OR4X2: variants seen among roughly 807,000 people sequenced by gnomAD.
OR4X2 encodes olfactory receptor 4X2.
For synonymous variants in OR4X2, 205 were observed against 136.6 expected (o/e 1.50, Z -3.49); for missense variants, 554 against 359.5 (o/e 1.54, Z -4.38).
rs753558856 is a variant in OR4X2, at chr11:48,245,530, G to A, written c.427G>A (p.Gly143Arg). ...CTVLVGIAWV[G>R]GFMHSFAQIL... ...TGTCCTTGTAGGAATAGCATGGGTG[G>A]GAGGCTTCATGCATTCCTTTGCACA... is the stretch of plus-strand genomic sequence containing the variant. Residue 143 changes from glycine (G) to arginine (R), a missense_variant, in exon 1 of 1, where the codon GGA becomes AGA. By Grantham distance (125) the Gly-to-Arg change is moderately radical (BLOSUM62 -2). Coordinates refer to ENST00000624868, the MANE Select transcript of OR4X2 (RefSeq NM_001004727.1). The A allele has an allele frequency of 3.7e-6, 6 of 1,613,930 alleles. No individual in the cohort carries two copies. The highest frequency in any genetic ancestry group is 5.1e-6 in the Non-Finnish European group (6 of 1,180,000).
Position 48,245,815 on chromosome 11 carries a change from G to A in OR4X2, c.712G>A (p.Val238Met), listed in dbSNP as rs755234615. The A allele has an allele frequency of 6.2e-7, 1 of 1,614,106 alleles. No individual in the cohort carries two copies. The highest frequency in any genetic ancestry group is 8.5e-7 in the Non-Finnish European group (1 of 1,180,028). ...CTCCACCTGTGGGTCCCATTTCGCTGTGGTTATCTTGTTCTTTGGGCCCTG... is the reference window on the plus strand; with the variant it reads ...CTCCACCTGTGGGTCCCATTTCGCTATGGTTATCTTGTTCTTTGGGCCCTG... Reference protein sequence around the residue: ...ALSTCGSHFAVVILFFGPCVF... With the variant: ...ALSTCGSHFAMVILFFGPCVF... The change falls in exon 1 of 1, where the codon GTG becomes ATG. Residue 238 changes from valine (V) to methionine (M), a missense_variant. Transcript: ENST00000624868.
rs753096221 is a variant in OR4X2 at position 48,245,927 on chromosome 11, A to T, written c.824A>T (p.Asn275Ile). Residue 275 changes from asparagine (N) to isoleucine (I), a missense_variant, in exon 1 of 1, where the codon AAC (asparagine) becomes ATC (isoleucine). Transcript: ENST00000624868. The stretch of plus-strand genomic sequence containing the variant: ...TACACAGTGATAACCGCGATCCTGA[A>T]CCCTGTCATCTACTCTCTGAGAAAT... ...VFYTVITAIL[N>I]PVIYSLRNAE... The T allele has an allele frequency of 6.2e-7, 1 of 1,614,074 alleles. No individual in the cohort carries two copies. The highest frequency in any genetic ancestry group is 8.5e-7 in the Non-Finnish European group (1 of 1,179,974).
Position 48,245,973 on chromosome 11 carries a change from G to A in OR4X2, c.870G>A (p.Met290Ile). Reference protein sequence around the residue: ...SLRNAEMRKAMKRLWIRTLRL... With the variant: ...SLRNAEMRKAIKRLWIRTLRL... ...GAAATGCTGAAATGAGGAAGGCCATGAAGAGGCTGTGGATTAGGACATTGA... is the reference window on the plus strand; with the variant it reads ...GAAATGCTGAAATGAGGAAGGCCATAAAGAGGCTGTGGATTAGGACATTGA... Residue 290 changes from methionine to isoleucine, a missense_variant, in exon 1 of 1, where the codon ATG becomes ATA. Coordinates refer to ENST00000624868, the MANE Select transcript of OR4X2 (RefSeq NM_001004727.1). 1 of 1,614,044 alleles carries A rather than the reference G, an allele frequency of 6.2e-7. No homozygotes were observed. The highest frequency in any genetic ancestry group is 1.1e-5 in the South Asian group (1 of 91,080).
At position 48,245,185 on chromosome 11, in the gene OR4X2, A is replaced by G. The variant is rs765337904; in HGVS notation, c.82A>G (p.Thr28Ala). 4 of 1,614,098 alleles carry G rather than the reference A, an allele frequency of 2.5e-6. No homozygotes were observed. In the Admixed American group the frequency reaches 5.0e-5, roughly 20 times the overall value. Residue 28 changes from threonine to alanine, a missense_variant, in exon 1 of 1, where the codon ACA becomes GCA. Coordinates refer to ENST00000624868, the MANE Select transcript of OR4X2 (RefSeq NM_001004727.1). ...CTTTGTGATATTTCTGTTCTTGTAC[A>G]CAGCAATTGTGCTGGGGAATTTCCT... ...VCFVIFLFLY[T>A]AIVLGNFLIV...
Position 48,245,622 on chromosome 11 carries a change from A to G in OR4X2, c.519A>G (p.Leu173=), listed in dbSNP as rs1422700582. ...TGATCAATCACTATTTCTGTGACCT[A>G]GTTCCCCTTCTCAAACTTGCCTGCT... ...PNVINHYFCD[L]VPLLKLACSD... Residue 173 remains leucine (L), a synonymous_variant, in exon 1 of 1, where the codon CTA becomes CTG. Coordinates refer to ENST00000624868, the MANE Select transcript of OR4X2 (RefSeq NM_001004727.1). The G allele has an allele frequency of 6.2e-7, 1 of 1,614,114 alleles. No homozygotes were observed. Among genetic ancestry groups the G allele is most frequent in the East Asian group, 2.2e-5 (1 of 44,876 alleles).
chr11:48,245,785 G>T lies in OR4X2; in HGVS notation c.682G>T (p.Ala228Ser), dbSNP rs762963105. ...CTGGAGCTCTGAAGGGTGGTGCAAA[G>T]CCCTCTCCACCTGTGGGTCCCATTT... is the stretch of plus-strand genomic sequence containing the variant. Reference protein sequence around the residue: ...RTWSSEGWCKALSTCGSHFAV... With the variant: ...RTWSSEGWCKSLSTCGSHFAV... Residue 228 changes from alanine (A) to serine (S), a missense_variant, in exon 1 of 1, where the codon GCC (alanine) becomes TCC (serine). Coordinates refer to ENST00000624868, the MANE Select transcript of OR4X2 (RefSeq NM_001004727.1). The T allele has an allele frequency of 2.5e-6, 4 of 1,614,064 alleles. No homozygotes were observed. Among genetic ancestry groups the T allele is most frequent in the Non-Finnish European group, 3.4e-6 (4 of 1,180,002 alleles).
chr11:48,245,134 C>A lies in OR4X2; in HGVS notation c.31C>A (p.Pro11Thr). The A allele has an allele frequency of 6.2e-7, 1 of 1,613,542 alleles. No individual in the cohort carries two copies. Among genetic ancestry groups the A allele is most frequent in the Non-Finnish European group, 8.5e-7 (1 of 1,179,722 alleles). The part of the protein sequence containing the change: MTEFIFLVLS[P>T]NQEVQRVCFV... Reference sequence around the variant, plus strand: ...TGAATTCATTTTTCTGGTACTTTCTCCCAACCAGGAGGTGCAGAGGGTTTG... The same window carrying A: ...TGAATTCATTTTTCTGGTACTTTCTACCAACCAGGAGGTGCAGAGGGTTTG... Residue 11 changes from proline (P) to threonine (T), a missense_variant, in exon 1 of 1, where the codon CCC (proline) becomes ACC (threonine). Pro to Thr is a conservative substitution (Grantham distance 38). Transcript: ENST00000624868.
Position 48,245,696 on chromosome 11 carries a change from T to A in OR4X2, c.593T>A (p.Leu198Gln). ...CTGATTGTTGCCAATGGAGGCACCC[T>A]GTCTGTGATCAGTTTTGGGGTCCTC... ...GLLIVANGGT[L>Q]SVISFGVLLA... The change falls in exon 1 of 1, where the codon CTG (leucine) becomes CAG (glutamine). Residue 198 changes from leucine to glutamine, a missense_variant. Physicochemically the swap from Leu to Gln is moderately radical, Grantham distance 113 (BLOSUM62 -2). Transcript: ENST00000624868. The A allele has an allele frequency of 1.9e-6, 3 of 1,614,188 alleles. No individual in the cohort carries two copies. The African/African-American group carries it at 4.0e-5, about 22-fold the overall frequency.
chr11:48,245,453 C>T lies in OR4X2; in HGVS notation c.350C>T (p.Ala117Val), dbSNP rs1176828904. 3 of 1,613,998 alleles carry T rather than the reference C, an allele frequency of 1.9e-6. No homozygotes were observed. Among genetic ancestry groups the T allele is most frequent in the Admixed American group, 1.7e-5 (1 of 59,992 alleles). The change falls in exon 1 of 1, where the codon GCC becomes GTC. Residue 117 changes from alanine (A) to valine (V), a missense_variant. Coordinates refer to ENST00000624868, the MANE Select transcript of OR4X2 (RefSeq NM_001004727.1). ...LTVMAYDHYV[A>V]ICKPLSYTTI... is the part of the protein sequence containing the mutation. ...GTGATGGCCTATGACCACTATGTGG[C>T]CATCTGCAAGCCCCTCAGCTACACC...
chr11:48,245,709 T>C lies in OR4X2; in HGVS notation c.606T>C (p.Ser202=). Residue 202 remains serine, a synonymous_variant, in exon 1 of 1, where the codon AGT becomes AGC. Transcript: ENST00000624868. ...VANGGTLSVI[S]FGVLLASYMV... is the part of the protein sequence containing the mutation. ...ATGGAGGCACCCTGTCTGTGATCAG[T>C]TTTGGGGTCCTCTTAGCATCCTATA... 1 of 1,614,110 alleles carries C rather than the reference T, an allele frequency of 6.2e-7. No individual in the cohort carries two copies. The highest frequency in any genetic ancestry group is 8.5e-7 in the Non-Finnish European group (1 of 1,180,026).
rs755972730 is a variant in OR4X2 at position 48,245,526 on chromosome 11, G to T, written c.423G>T (p.Trp141Cys). ...QVCTVLVGIA[W>C]VGGFMHSFAQ... ...GTACTGTCCTTGTAGGAATAGCATG[G>T]GTGGGAGGCTTCATGCATTCCTTTG... The change falls in exon 1 of 1, where the codon TGG (tryptophan) becomes TGT (cysteine). Residue 141 changes from tryptophan to cysteine, a missense_variant. Coordinates refer to ENST00000624868, the MANE Select transcript of OR4X2 (RefSeq NM_001004727.1). The T allele has an allele frequency of 1.2e-6, 2 of 1,613,902 alleles. No homozygotes were observed. Among genetic ancestry groups the T allele is most frequent in the Non-Finnish European group, 1.7e-6 (2 of 1,179,984 alleles).
Position 48,245,695 on chromosome 11 carries a change from C to T in OR4X2, c.592C>T (p.Leu198=). ...GLLIVANGGT[L]SVISFGVLLA... ...GCTGATTGTTGCCAATGGAGGCACC[C>T]TGTCTGTGATCAGTTTTGGGGTCCT... Residue 198 remains leucine, a synonymous_variant, in exon 1 of 1, where the codon CTG becomes TTG. Coordinates refer to ENST00000624868, the MANE Select transcript of OR4X2 (RefSeq NM_001004727.1). The T allele has an allele frequency of 1.2e-6, 2 of 1,614,160 alleles. No individual in the cohort carries two copies. Among genetic ancestry groups the T allele is most frequent in the Non-Finnish European group, 8.5e-7 (1 of 1,180,022 alleles).
chr11:48,245,235 C>T lies in OR4X2; in HGVS notation c.132C>T (p.Ser44=). 2 of 1,614,172 alleles carry T rather than the reference C, an allele frequency of 1.2e-6. No homozygotes were observed. The highest frequency in any genetic ancestry group is 1.1e-5 in the South Asian group (1 of 91,074). The change falls in exon 1 of 1, where the codon AGC becomes AGT. Residue 44 remains serine, a synonymous_variant. Transcript: ENST00000624868. ...NFLIVLTVMT[S]RSLGSPMYFF... ...TCATTGTGCTCACTGTCATGACCAG[C>T]AGAAGCCTTGGTTCCCCCATGTACT...
rs2134411170 is a variant in OR4X2 at position 48,245,642 on chromosome 11, C to T, written c.539C>T (p.Ala180Val). ...GACCTAGTTCCCCTTCTCAAACTTG[C>T]CTGCTCTGACACCTTCCTCATTGGT... ...FCDLVPLLKL[A>V]CSDTFLIGLL... The change falls in exon 1 of 1, where the codon GCC becomes GTC. Residue 180 changes from alanine (A) to valine (V), a missense_variant. Coordinates refer to ENST00000624868, the MANE Select transcript of OR4X2 (RefSeq NM_001004727.1). 3.1e-6 allele frequency: 5 copies of T among 1,614,166 alleles called. No homozygotes were observed. The highest frequency in any genetic ancestry group is 2.2e-5 in the East Asian group (1 of 44,872).
In OR4X2 at chr11:48,245,841, CG is replaced by C; in HGVS notation, c.739del (p.Val247SerfsTer5). ...AVVILFFGPCVFNSLRPSTTL... is the reference protein window; with the variant it reads ...AVVILFFGPCXFNSLRPSTTL... ...TGGTTATCTTGTTCTTTGGGCCCTG[CG>C]TCTTCAACTCTCTGAGGCCTTCTAC... is the stretch of plus-strand genomic sequence containing the variant. On this transcript the variant is annotated frameshift_variant, in exon 1 of 1. Coordinates refer to ENST00000624868, the MANE Select transcript of OR4X2 (RefSeq NM_001004727.1). LOFTEE classifies it low-confidence loss of function (END_TRUNC). 1 of 1,614,032 alleles carries C rather than the reference CG, an allele frequency of 6.2e-7. No homozygotes were observed. Among genetic ancestry groups the C allele is most frequent in the South Asian group, 1.1e-5 (1 of 91,072 alleles).
rs199788662 is a variant in OR4X2 at position 48,245,200 on chromosome 11, G to C, written c.97G>C (p.Gly33Arg). Residue 33 changes from glycine to arginine, a missense_variant, in exon 1 of 1, where the codon GGG becomes CGG. Gly to Arg is a moderately radical substitution (Grantham distance 125, BLOSUM62 -2). Transcript: ENST00000624868. Reference protein sequence around the residue: ...FLFLYTAIVLGNFLIVLTVMT... With the variant: ...FLFLYTAIVLRNFLIVLTVMT... ...GTTCTTGTACACAGCAATTGTGCTG[G>C]GGAATTTCCTCATTGTGCTCACTGT... The C allele has an allele frequency of 1.9e-6, 3 of 1,613,968 alleles. No homozygotes were observed. In the Admixed American group the frequency reaches 5.0e-5, roughly 27 times the overall value.
In OR4X2 at chr11:48,245,566, A is replaced by G. The variant is rs771246603; in HGVS notation, c.463A>G (p.Ile155Val). Residue 155 changes from isoleucine to valine, a missense_variant, in exon 1 of 1, where the codon ATC becomes GTC. Transcript: ENST00000624868. ...FMHSFAQILL[I>V]FHLLFCGPNV... ...GCATTCCTTTGCACAAATCCTTCTCATCTTCCACCTGCTCTTCTGTGGCCC... is the reference window on the plus strand; with the variant it reads ...GCATTCCTTTGCACAAATCCTTCTCGTCTTCCACCTGCTCTTCTGTGGCCC... The G allele has an allele frequency of 4.3e-6, 7 of 1,613,898 alleles. No homozygotes were observed. In the South Asian group the frequency reaches 7.7e-5, roughly 18 times the overall value.
rs1168980245 is a variant in OR4X2 at position 48,245,912 on chromosome 11, T to C, written c.809T>C (p.Ile270Thr). ...DKMVAVFYTV[I>T]TAILNPVIYS... ...ATGGTGGCTGTGTTCTACACAGTGA[T>C]AACCGCGATCCTGAACCCTGTCATC... The change falls in exon 1 of 1, where the codon ATA (isoleucine) becomes ACA (threonine). Residue 270 changes from isoleucine to threonine, a missense_variant. Ile to Thr is a moderately conservative substitution (Grantham distance 89). Transcript: ENST00000624868. 1 of 1,614,134 alleles carries C rather than the reference T, an allele frequency of 6.2e-7. No homozygotes were observed. The highest frequency in any genetic ancestry group is 2.2e-5 in the East Asian group (1 of 44,872).
rs1859045909 is a variant in OR4X2, at chr11:48,245,171, T to C, written c.68T>C (p.Phe23Ser). Residue 23 changes from phenylalanine (F) to serine (S), a missense_variant, in exon 1 of 1, where the codon TTT (phenylalanine) becomes TCT (serine). By Grantham distance (155) the Phe-to-Ser change is radical. Coordinates refer to ENST00000624868, the MANE Select transcript of OR4X2 (RefSeq NM_001004727.1). ...QEVQRVCFVI[F>S]LFLYTAIVLG... is the part of the protein sequence containing the mutation. The stretch of plus-strand genomic sequence containing the variant: ...GTGCAGAGGGTTTGCTTTGTGATAT[T>C]TCTGTTCTTGTACACAGCAATTGTG... The C allele has an allele frequency of 1.2e-6, 2 of 1,614,144 alleles. No homozygotes were observed. Among genetic ancestry groups the C allele is most frequent in the Non-Finnish European group, 1.7e-6 (2 of 1,179,984 alleles).
Sources: gnomAD v4.1 joint callset for allele counts on GRCh38, gnomAD v4.1.1 for gene constraint, MANE v1.5 for transcripts, NCBI Gene and HGNC (gene_info 2026-07-23, HGNC 2026-07-21) for gene names.